OAS3: variants seen among roughly 807,000 people sequenced by gnomAD.
OAS3 encodes the protein 2'-5'-oligoadenylate synthase 3.
Under a neutral mutation model 113.0 loss-of-function variants are expected in OAS3, and 107 were observed. The observed-to-expected ratio is 0.95, with a 90% CI of 0.81 to 1.11. OAS3 has a LOEUF of 1.11. Ranked by LOEUF, OAS3 falls within the 50% of genes most tolerant of loss-of-function variation. OAS3 has a pLI of 0.00. For missense variants in OAS3, 1,258 were observed against 1,389.1 expected, an observed-to-expected ratio of 0.91 and a Z score of 1.50; for synonymous variants, 552 against 573.6, an observed-to-expected ratio of 0.96 and a Z score of 0.54.
chr12:112,962,541 A>G (rs772593497), intron 8 of OAS3, 111 bp from the exon 9 acceptor site: 383 of 1,316,958 alleles, frequency 2.9e-4, no homozygotes, highest in Non-Finnish European at 3.8e-4. Context: ...GCAAGTTTCT[A>G]TTCTTTCTGC....
chr12:112,956,950 CATT>C (rs1256098465), intron 7 of OAS3, among the ~76,000 whole-genome samples: 1 of 152,150 alleles, frequency 6.6e-6, no homozygotes, highest in Non-Finnish European at 1.5e-5. Context: ...TACAGTCTCC[CATT>C]ATTATTGTGT....
chr12:112,968,740 T>C (rs547507102), intron 14 of OAS3, among the ~76,000 whole-genome samples: 102 of 97,786 alleles, frequency 1.0e-3, no homozygotes, highest in Non-Finnish European at 1.4e-3. Flanking sequence ...GATCTCAAAC[T>C]CCTGGCCTCA....
chr12:112,961,150 T>C lies in OAS3; in HGVS notation c.1737T>C (p.His579=). The C allele has an allele frequency of 6.2e-7, 1 of 1,613,386 alleles. No individual in the cohort carries two copies. The highest frequency in any genetic ancestry group is 8.5e-7 in the Non-Finnish European group (1 of 1,179,904). Residue 579 remains histidine, a synonymous_variant, in exon 8 of 16, where the codon CAT becomes CAC. Transcript: ENST00000228928. The part of the protein sequence containing the change: ...LLTSGCQEGE[H]KACFAELRRN... ...CCAGTGGCTGCCAGGAGGGCGAGCATAAGGCCTGCTTCGCAGAGCTGCGGA... is the reference window on the plus strand; with the variant it reads ...CCAGTGGCTGCCAGGAGGGCGAGCACAAGGCCTGCTTCGCAGAGCTGCGGA...
chr12:112,969,883 C>A, intron 15 of OAS3, 79 bp from the exon 16 acceptor site: 1 of 1,590,844 alleles, frequency 6.3e-7, no homozygotes, highest in Non-Finnish European at 8.6e-7. Context: ...CCTGTGCTTC[C>A]ATTTTCCCAT....
intron 13 of OAS3, 108 bp from the exon 14 acceptor site, chr12:112,967,828 T>C (rs894789278): frequency 7.5e-5 from 97 of 1,296,688 alleles, no homozygotes; most frequent in Non-Finnish European, 1.0e-4. Context: ...CTGGCACATG[T>C]AGGTGCTCAA....
chr12:112,962,122 A>G (rs2043892208), intron 8 of OAS3, among the ~76,000 whole-genome samples: 1 of 152,222 alleles, frequency 6.6e-6, no homozygotes. Context: ...GAGTTGCACT[A>G]AATTCTGAAC....
rs930344340 is a variant in OAS3, at chr12:112,963,192, C to G, written c.2085-121C>G. On this transcript the variant is annotated intron_variant, in intron 9 of 15. Coordinates refer to ENST00000228928, the MANE Select transcript of OAS3 (RefSeq NM_006187.4). This position sits in a 1 kb window ranked among gnomAD's most constrained non-coding sequence, Gnocchi z 4.6. ...AGATCGCTTCTGCACTTGGGCAAGACTGAGCCAACCCTGAGGTCCTGACAC... is the reference window on the plus strand; with the variant it reads ...AGATCGCTTCTGCACTTGGGCAAGAGTGAGCCAACCCTGAGGTCCTGACAC... 8 of 1,274,582 alleles carry G rather than the reference C, an allele frequency of 6.3e-6. No homozygotes were observed. In the African/African-American group the frequency reaches 1.2e-4, roughly 19 times the overall value. 79.0% of individuals were successfully genotyped at this position (1,274,582 alleles called of 1,614,324 possible). A position where few individuals can be genotyped will look rare whatever the true frequency, so the allele number is the denominator to read the frequency against.
At chr12:112,969,461 TA>T in intron 14 of OAS3, 146 bp from the exon 15 acceptor site, 1 of 860,604 alleles carries the variant, frequency 1.2e-6, no homozygotes. Flanking sequence ...ACCTGCCCTG[TA>T]GTGTATAGGA....
chr12:112,944,486 C>A lies in OAS3; in HGVS notation c.471C>A (p.Gly157=). 3 of 1,614,026 alleles carry A rather than the reference C, an allele frequency of 1.9e-6. No individual in the cohort carries two copies. The highest frequency in any genetic ancestry group is 2.5e-6 in the Non-Finnish European group (3 of 1,179,886). ...GCTTCACACCAACAGGTCAGGCCGG[C>A]TCCGGCGTCAAACCCAAGCCACAAG... The part of the protein sequence containing the change: ...VPAFNVLGQA[G]SGVKPKPQVY... Residue 157 remains glycine (G), a synonymous_variant, in exon 3 of 16, where the codon GGC becomes GGA. Coordinates refer to ENST00000228928, the MANE Select transcript of OAS3 (RefSeq NM_006187.4).
At chr12:112,947,189 C>G (rs192046742) in intron 4 of OAS3, among the ~76,000 whole-genome samples, 141 of 152,224 alleles carry the variant, frequency 9.3e-4, no homozygotes, top group African/African-American at 3.0e-3. Context: ...AGTGCCTGGC[C>G]CCACAAGTTT....
In OAS3 at chr12:112,958,366, A is replaced by G. The variant is rs374787065; in HGVS notation, c.1658-2705A>G. ...AACTCATCAAAGTCATTCTCCATCC[A>G]GCTTTGTTCCATTGCTTGCGAGGAG... On this transcript the variant is annotated intron_variant, in intron 7 of 15. Transcript: ENST00000228928. Among the ~76,000 whole-genome samples, 10 of 152,366 alleles carry G rather than the reference A, an allele frequency of 6.6e-5. 1 individual carries two copies. The highest frequency in any genetic ancestry group is 6.5e-5 in the Admixed American group (1 of 15,312).
Position 112,971,493 on chromosome 12 carries a change from C to G in OAS3, c.*1520C>G, listed in dbSNP as rs1243373436. 6.6e-6 allele frequency: 1 copy of G among 152,356 alleles called. No homozygotes were observed. The highest frequency in any genetic ancestry group is 2.4e-5 in the African/African-American group (1 of 41,468). The allele number at this position is 152,356 out of a possible 1,614,324, so 9.4% of individuals were successfully genotyped here. On this transcript the variant is annotated 3_prime_UTR_variant, in exon 16 of 16. Transcript: ENST00000228928. ...AAGTGCCAGGGGGCGGAGTCCCCAG[C>G]AGATGCATCCTGGCCATCTGTTGCG... is the stretch of plus-strand genomic sequence containing the variant.
At chr12:112,942,031 A>T in intron 2 of OAS3, 179 bp downstream of exon 2, 2 of 720,412 alleles carry the variant, frequency 2.8e-6, no homozygotes. Context: ...AGGCAGAGAA[A>T]CCCCAGTTCC....
intron 5 of OAS3, 113 bp downstream of exon 5, chr12:112,948,212 G>C: frequency 9.3e-7 from 1 of 1,077,948 alleles, no homozygotes; most frequent in Middle Eastern, 3.2e-4. Flanking sequence ...AAAAGCAGGG[G>C]TGGCCAGGTG....
intron 3 of OAS3, 97 bp downstream of exon 3, chr12:112,944,748 G>A (rs2043712411): frequency 7.8e-7 from 1 of 1,287,556 alleles, no homozygotes; most frequent in South Asian, 1.2e-5. Flanking sequence ...GGCCATTCAT[G>A]TTCTCTCTCT....
intron 3 of OAS3, 132 bp from the exon 4 acceptor site, chr12:112,946,611 C>T: frequency 1.4e-6 from 1 of 704,482 alleles, no homozygotes; most frequent in Non-Finnish European, 2.3e-6. Context: ...GCCACTTGTT[C>T]TTGGAACAGG....
Position 112,950,895 on chromosome 12 carries a change from A to C in OAS3, c.1577A>C (p.Glu526Ala). ...CAGTTTCCTGAGCAGAATGTGCCTGAGGCTCTGCAGTTCCAGCTGGTGTCC... is the reference window on the plus strand; with the variant it reads ...CAGTTTCCTGAGCAGAATGTGCCTGCGGCTCTGCAGTTCCAGCTGGTGTCC... ...SLQFPEQNVP[E>A]ALQFQLVSTA... The change falls in exon 7 of 16, where the codon GAG (glutamate) becomes GCG (alanine). Residue 526 changes from glutamate (E) to alanine (A), a missense_variant. Physicochemically the swap from Glu to Ala is moderately radical, Grantham distance 107 (BLOSUM62 -1). Coordinates refer to ENST00000228928, the MANE Select transcript of OAS3 (RefSeq NM_006187.4). 2 of 1,613,956 alleles carry C rather than the reference A, an allele frequency of 1.2e-6. No homozygotes were observed. Among genetic ancestry groups the C allele is most frequent in the Non-Finnish European group, 1.7e-6 (2 of 1,179,864 alleles).
intron 7 of OAS3, among the ~76,000 whole-genome samples, chr12:112,955,661 G>A (rs929742276): frequency 6.6e-6 from 1 of 152,212 alleles, no homozygotes; most frequent in African/African-American, 2.4e-5. Context: ...TGCATCCCAA[G>A]GATGAAGCCA....
intron 7 of OAS3, among the ~76,000 whole-genome samples, chr12:112,960,758 A>G (rs1437972909): frequency 6.6e-6 from 1 of 152,170 alleles, no homozygotes; most frequent in Admixed American, 6.5e-5. Context: ...CCACTATGTG[A>G]CACAGCTTTT....
Sources: gnomAD v4.1 joint callset for allele counts (sites outside exome capture counted in the v4.1 genomes callset) on GRCh38, gnomAD v4.1.1 for gene constraint, Gnocchi (gnomAD v3.1) non-coding constraint, MANE v1.5 for transcripts, NCBI Gene and HGNC (gene_info 2026-07-23, HGNC 2026-07-21) for gene names.